ROBO1: variants seen among roughly 807,000 people sequenced by gnomAD.
ROBO1 encodes the protein roundabout guidance receptor 1.
A neutral mutation model predicts 195.9 loss-of-function variants in ROBO1; 149 were observed. The observed-to-expected ratio is 0.76, with a 90% CI of 0.67 to 0.87. ROBO1 has a LOEUF of 0.87. Ranked by LOEUF, ROBO1 falls within the 40% of genes least tolerant of loss-of-function variation. The probability of loss-of-function intolerance (pLI) is 0.00; values close to 1 mark genes in which losing one functional copy is unlikely to be tolerated. For missense variants in ROBO1, 1,933 were observed against 2,068.3 expected (o/e 0.93, Z 1.27); for synonymous variants, 816 against 733.2 (o/e 1.11, Z -1.82).
chr3:78,637,303 C>A (rs1156692054), intron 22 of ROBO1, among the ~76,000 whole-genome samples: 2 of 152,220 alleles, frequency 1.3e-5, no homozygotes, highest in African/African-American at 4.8e-5. Flanking sequence ...ATATTTGATT[C>A]ATCTGGACTT....
At chr3:78,680,074 A>T (rs1458390294) in intron 10 of ROBO1, among the ~76,000 whole-genome samples, 1 of 152,190 alleles carries the variant, frequency 6.6e-6, no homozygotes, top group Non-Finnish European at 1.5e-5. Context: ...AAAAACAAGC[A>T]ATGGGGAAAG....
intron 2 of ROBO1, among the ~76,000 whole-genome samples, chr3:79,140,781 A>C (rs1406156950): frequency 1.3e-5 from 2 of 152,182 alleles, no homozygotes; most frequent in Non-Finnish European, 2.9e-5. Context: ...GTGAATTTTG[A>C]AAATGTCATT....
intron 4 of ROBO1, among the ~76,000 whole-genome samples, chr3:78,825,303 C>T (rs2031484777): frequency 6.6e-6 from 1 of 152,168 alleles, no homozygotes; most frequent in Admixed American, 6.5e-5. Flanking sequence ...AAAACGGTCT[C>T]TGGCCAGATG....
At chr3:79,667,779 A>G (rs1946516075) in intron 1 of ROBO1, among the ~76,000 whole-genome samples, 1 of 151,686 alleles carries the variant, frequency 6.6e-6, no homozygotes, top group Non-Finnish European at 1.5e-5. Flanking sequence ...CTTCATTTGT[A>G]TTTTTGTTCC....
chr3:78,600,573 C>T (rs1485130103), intron 29 of ROBO1, among the ~76,000 whole-genome samples: 1 of 151,900 alleles, frequency 6.6e-6, no homozygotes, highest in Non-Finnish European at 1.5e-5. Flanking sequence ...TCACTACAGA[C>T]CAATATCATT....
At chr3:78,733,432 G>C (rs2082325526) in intron 5 of ROBO1, among the ~76,000 whole-genome samples, 1 of 151,640 alleles carries the variant, frequency 6.6e-6, no homozygotes, top group African/African-American at 2.4e-5. Flanking sequence ...CATTTTGCTT[G>C]ATGTCCACAG....
intron 2 of ROBO1, among the ~76,000 whole-genome samples, chr3:79,575,718 A>T (rs1009000705): frequency 2.6e-5 from 4 of 151,228 alleles, no homozygotes; most frequent in Non-Finnish European, 5.9e-5. Flanking sequence ...GTTTCATGGC[A>T]TTCTTCCAAG....
chr3:78,773,231 G>A (rs1035676955), intron 4 of ROBO1, among the ~76,000 whole-genome samples: 1 of 151,706 alleles, frequency 6.6e-6, no homozygotes, highest in African/African-American at 2.4e-5. Context: ...AGATATACAG[G>A]TACAAAAAAA....
intron 1 of ROBO1, among the ~76,000 whole-genome samples, chr3:79,595,588 G>A (rs1944140033): frequency 1.3e-5 from 2 of 151,604 alleles, no homozygotes; most frequent in African/African-American, 4.9e-5. Flanking sequence ...AAGAAAAAGT[G>A]CTCTGCAAAA....
chr3:79,621,529 C>A (rs1262573170), intron 1 of ROBO1, among the ~76,000 whole-genome samples: 1 of 152,138 alleles, frequency 6.6e-6, no homozygotes, highest in African/African-American at 2.4e-5. Flanking sequence ...ATCAAATCAC[C>A]TATAAAGGAA....
chr3:78,779,224 A>C (rs921024552), intron 4 of ROBO1, among the ~76,000 whole-genome samples: 1 of 152,206 alleles, frequency 6.6e-6, no homozygotes, highest in Non-Finnish European at 1.5e-5. Flanking sequence ...AAACAACAAA[A>C]GCAATGGCAA....
intron 2 of ROBO1, among the ~76,000 whole-genome samples, chr3:79,275,713 A>G (rs1423185682): frequency 6.6e-6 from 1 of 151,992 alleles, no homozygotes; most frequent in East Asian, 1.9e-4. Flanking sequence ...AGATAATATG[A>G]TCTCATATTT....
chr3:78,668,319 A>G lies in ROBO1; in HGVS notation c.1631-17T>C, dbSNP rs778665534. On this transcript the variant is annotated splice_polypyrimidine_tract_variant and intron_variant, in intron 12 of 30. Coordinates refer to ENST00000464233, the MANE Select transcript of ROBO1 (RefSeq NM_002941.4). ...CTCCAAATTCTAAAAAGCAGGAAAA[A>G]GGCCAAAATAAAAGATGTTTACACA... 3.1e-6 allele frequency: 5 copies of G among 1,611,338 alleles called. No individual in the cohort carries two copies. The highest frequency in any genetic ancestry group is 4.2e-6 in the Non-Finnish European group (5 of 1,178,782).
chr3:78,783,711 C>T (rs1201741329), intron 4 of ROBO1, among the ~76,000 whole-genome samples: 1 of 152,236 alleles, frequency 6.6e-6, no homozygotes, highest in East Asian at 1.9e-4. Flanking sequence ...AGGGTTTCAC[C>T]TTACGTCACA....
intron 1 of ROBO1, among the ~76,000 whole-genome samples, chr3:79,721,953 C>T (rs540422097): frequency 5.0e-4 from 76 of 152,206 alleles, no homozygotes; most frequent in African/African-American, 1.7e-3. Flanking sequence ...TGCCAGTTAA[C>T]GAGAATGATT....
intron 25 of ROBO1, among the ~76,000 whole-genome samples, chr3:78,628,460 C>T (rs972301869): frequency 6.6e-6 from 1 of 152,144 alleles, no homozygotes; most frequent in African/African-American, 2.4e-5. Context: ...TACTCCTCTG[C>T]TGGAGATGGG....
chr3:78,933,389 G>A (rs1278844363), intron 4 of ROBO1, among the ~76,000 whole-genome samples: 1 of 152,050 alleles, frequency 6.6e-6, no homozygotes, highest in Non-Finnish European at 1.5e-5. Flanking sequence ...AAAATGACAA[G>A]TGTCTTTTCT....
chr3:79,533,095 T>C (rs1279359154), intron 2 of ROBO1: 1 of 441,156 alleles, frequency 2.3e-6, no homozygotes, highest in Non-Finnish European at 4.5e-6. Flanking sequence ...CTTGGTTCTT[T>C]AGTAGGCTTG....
chr3:79,284,185 T>C (rs1447333230), intron 2 of ROBO1, among the ~76,000 whole-genome samples: 1 of 152,028 alleles, frequency 6.6e-6, no homozygotes, highest in Non-Finnish European at 1.5e-5. Context: ...TCGATGTTCT[T>C]TCTTTTTTGA....
Sources: gnomAD v4.1 joint callset for allele counts (sites outside exome capture counted in the v4.1 genomes callset) on GRCh38, gnomAD v4.1.1 for gene constraint, MANE v1.5 for transcripts, NCBI Gene and HGNC (gene_info 2026-07-23, HGNC 2026-07-21) for gene names.